Variants in ADAM32 observed in about 807,000 individuals in gnomAD.
ADAM32 encodes the protein ADAM metallopeptidase domain 32.
In ADAM32, 89 loss-of-function variants were observed where a neutral mutation model predicts 114.9. The observed-to-expected ratio is 0.77, with a 90% confidence interval of 0.65 to 0.92. The LOEUF (loss-of-function observed/expected upper bound fraction) is 0.92, where lower values mean the gene tolerates loss of function less well. ADAM32 is among the 40% of genes least tolerant of loss of function. The probability of loss-of-function intolerance (pLI) is 0.00; values close to 1 mark genes in which losing one functional copy is unlikely to be tolerated. For synonymous variants in ADAM32, 285 were observed against 307.5 expected (o/e 0.93, Z 0.77); for missense variants, 870 against 932.8 (o/e 0.93, Z 0.88).
intron 14 of ADAM32, among the ~76,000 whole-genome samples, chr8:39,231,266 A>G (rs868402508): frequency 1.9e-4 from 29 of 152,138 alleles, no homozygotes; most frequent in Admixed American, 6.5e-4. Flanking sequence ...CTGAGGTGCC[A>G]TGTGACTAGG....
chr8:39,185,726 C>T (rs567961128), intron 10 of ADAM32, among the ~76,000 whole-genome samples: 1 of 152,340 alleles, frequency 6.6e-6, no homozygotes, highest in African/African-American at 2.4e-5. Context: ...CTATTTCATA[C>T]TGTCTGATCA....
chr8:39,242,202 A>G (rs1188156875), intron 16 of ADAM32, among the ~76,000 whole-genome samples: 1 of 152,192 alleles, frequency 6.6e-6, no homozygotes, highest in South Asian at 2.1e-4. Context: ...CGTTATCAGC[A>G]TTTTGGTCCA....
intron 19 of ADAM32, among the ~76,000 whole-genome samples, chr8:39,264,345 A>G (rs777153475): frequency 6.6e-6 from 1 of 152,148 alleles, no homozygotes; most frequent in Non-Finnish European, 1.5e-5. Flanking sequence ...TTGTGTGTAT[A>G]GAGGTGTTTG....
At chr8:39,204,525 C>T (rs1168436297) in intron 11 of ADAM32, among the ~76,000 whole-genome samples, 3 of 152,158 alleles carry the variant, frequency 2.0e-5, no homozygotes, top group Admixed American at 6.5e-5. Flanking sequence ...TCTAGTTAGC[C>T]ATTCGTCTAA....
chr8:39,214,037 A>G (rs925567833), intron 12 of ADAM32, among the ~76,000 whole-genome samples: 1 of 152,124 alleles, frequency 6.6e-6, no homozygotes, highest in African/African-American at 2.4e-5. Context: ...TTATGGGTGA[A>G]TAGTACTCCA....
At chr8:39,270,671 T>C (rs773428648) in intron 19 of ADAM32, among the ~76,000 whole-genome samples, 39 of 152,214 alleles carry the variant, frequency 2.6e-4, no homozygotes, top group Non-Finnish European at 5.3e-4. Flanking sequence ...GGATTTGAAA[T>C]GTGCCCTTCT....
chr8:39,215,942 T>A (rs1289502248), intron 12 of ADAM32, among the ~76,000 whole-genome samples: 1 of 151,954 alleles, frequency 6.6e-6, no homozygotes, highest in Non-Finnish European at 1.5e-5. Context: ...TGATGTTTCT[T>A]TATTGATTTT....
intron 3 of ADAM32, among the ~76,000 whole-genome samples, chr8:39,140,112 A>C (rs909438703): frequency 3.3e-5 from 5 of 152,224 alleles, no homozygotes; most frequent in African/African-American, 1.2e-4. Flanking sequence ...TAATCACGTC[A>C]TCTGCAAACA....
intron 3 of ADAM32, among the ~76,000 whole-genome samples, chr8:39,142,389 G>A (rs1803217021): frequency 6.6e-6 from 1 of 152,116 alleles, no homozygotes; most frequent in Admixed American, 6.6e-5. Flanking sequence ...CTCTTTTAGG[G>A]CAGGCCTGTT....
chr8:39,175,148 C>A (rs558649911), intron 10 of ADAM32, among the ~76,000 whole-genome samples: 20 of 152,042 alleles, frequency 1.3e-4, no homozygotes, highest in African/African-American at 4.6e-4. Flanking sequence ...ATTTGACTTC[C>A]TCTCTTTCTA....
intron 2 of ADAM32, among the ~76,000 whole-genome samples, chr8:39,127,708 G>A (rs917089672): frequency 6.6e-6 from 1 of 151,898 alleles, no homozygotes; most frequent in African/African-American, 2.4e-5. Flanking sequence ...GTTATTTCTT[G>A]TCTTCTTCTA....
intron 16 of ADAM32, among the ~76,000 whole-genome samples, chr8:39,241,912 G>A (rs1482035011): frequency 6.6e-6 from 1 of 152,204 alleles, no homozygotes; most frequent in Non-Finnish European, 1.5e-5. Context: ...GTGCTATCAG[G>A]CTGCAAGTTT....
chr8:39,200,079 C>A (rs1585521515), intron 11 of ADAM32, among the ~76,000 whole-genome samples: 1 of 152,264 alleles, frequency 6.6e-6, no homozygotes, highest in Admixed American at 6.5e-5. Context: ...CTGCAATAAA[C>A]ATATGTGTGC....
intron 11 of ADAM32, among the ~76,000 whole-genome samples, chr8:39,206,610 T>TG (rs1168137056): frequency 2.0e-5 from 3 of 152,222 alleles, no homozygotes; most frequent in Non-Finnish European, 4.4e-5. Context: ...TTTCAAGCTC[T>TG]GGGGAGCATT....
At chr8:39,223,778 C>T (rs1255441853) in intron 14 of ADAM32, 1 of 152,102 alleles carries the variant, frequency 6.6e-6, no homozygotes, top group Non-Finnish European at 1.5e-5. Flanking sequence ...TTTTGTACCC[C>T]TTGACTAGCA....
chr8:39,130,872 T>C (rs1350644827), intron 2 of ADAM32: 1 of 456,972 alleles, frequency 2.2e-6, no homozygotes, highest in African/African-American at 2.0e-5. Flanking sequence ...GTTGGGTTAG[T>C]AGTCAGTTAG....
chr8:39,210,124 G>A (rs1808111276), intron 11 of ADAM32, among the ~76,000 whole-genome samples: 1 of 152,172 alleles, frequency 6.6e-6, no homozygotes, highest in Admixed American at 6.5e-5. Context: ...GCTGGGGCAG[G>A]TCTAGAAATC....
At chr8:39,217,638 G>C (rs2129448638) in intron 12 of ADAM32, among the ~76,000 whole-genome samples, 1 of 152,140 alleles carries the variant, frequency 6.6e-6, no homozygotes, top group South Asian at 2.1e-4. Flanking sequence ...GGTCAGTTCT[G>C]CTATTAAGAG....
In ADAM32 at chr8:39,202,524, C is replaced by T. The variant is rs1807495825; in HGVS notation, c.1053-8620C>T. 2.0e-5 allele frequency among the ~76,000 whole-genome samples: 3 copies of T among 152,098 alleles called. No homozygotes were observed. In the South Asian group the frequency reaches 6.2e-4, roughly 32 times the overall value. On this transcript the variant is annotated intron_variant, in intron 11 of 24. Transcript: ENST00000379907. ...CTATTTGATTCTTCTCTCTTTTCTT[C>T]TTTGTTAGTCTTGCTAGCAGTCTAT... is the stretch of plus-strand genomic sequence containing the variant.
Sources: gnomAD v4.1 joint callset for allele counts (sites outside exome capture counted in the v4.1 genomes callset) on GRCh38, gnomAD v4.1.1 for gene constraint, MANE v1.5 for transcripts, NCBI Gene and HGNC (gene_info 2026-07-23, HGNC 2026-07-21) for gene names.